Variants in WDR43 observed in about 807,000 individuals in gnomAD.
WDR43 encodes the protein WD repeat-containing protein 43.
WDR43 carries 13 observed loss-of-function variants against 91.4 expected under a neutral mutation model. The ratio of observed to expected loss-of-function variants is 0.14; its 90% CI spans 0.09 to 0.23. The LOEUF is 0.23. Among genes scored for constraint, WDR43 ranks in the 10% least tolerant of loss-of-function variants. The pLI is 1.00. For missense variants in WDR43, 780 were observed against 809.4 expected, an observed-to-expected ratio of 0.96 and a Z score of 0.44; for synonymous variants, 331 against 287.9, an observed-to-expected ratio of 1.15 and a Z score of -1.51.
chr2:28,927,017 A>G (rs552061837), intron 9 of WDR43: 19 of 516,404 alleles, frequency 3.7e-5, no homozygotes, highest in South Asian at 2.4e-4. Flanking sequence ...CTTGGTGTCT[A>G]CATGTAGGGG....
At chr2:28,899,332 C>T (rs1670538686) in intron 1 of WDR43, among the ~76,000 whole-genome samples, 1 of 152,072 alleles carries the variant, frequency 6.6e-6, no homozygotes, top group Non-Finnish European at 1.5e-5. Context: ...TGACATGTGT[C>T]TTAAGGGAAA....
intron 5 of WDR43, among the ~76,000 whole-genome samples, chr2:28,916,511 T>G (rs1217216130): frequency 6.6e-6 from 1 of 152,200 alleles, no homozygotes; most frequent in African/African-American, 2.4e-5. Context: ...ATGTTAAGAT[T>G]CATGTTTTTG....
chr2:28,920,923 C>T (rs933062331), intron 6 of WDR43, among the ~76,000 whole-genome samples: 1 of 151,866 alleles, frequency 6.6e-6, no homozygotes, highest in Non-Finnish European at 1.5e-5. Flanking sequence ...GTGTTCTGCC[C>T]ACCTTGGCCT....
intron 1 of WDR43, among the ~76,000 whole-genome samples, chr2:28,899,731 A>AT (rs1285900411): frequency 6.6e-6 from 1 of 152,204 alleles, no homozygotes; most frequent in African/African-American, 2.4e-5. Context: ...TACTTGGAGT[A>AT]TCAGTTTTCA....
chr2:28,914,041 C>T, intron 4 of WDR43, 28 bp from the exon 5 acceptor site: 1 of 1,610,378 alleles, frequency 6.2e-7, no homozygotes, highest in East Asian at 2.2e-5. Flanking sequence ...TGAATCTGCT[C>T]TCCTAACTGA....
chr2:28,902,228 G>C, intron 2 of WDR43, 104 bp downstream of exon 2: 1 of 1,209,804 alleles, frequency 8.3e-7, no homozygotes, highest in Non-Finnish European at 1.1e-6. Context: ...GATCTGTGCA[G>C]TAGGGACAGT....
intron 16 of WDR43, among the ~76,000 whole-genome samples, chr2:28,945,072 T>C (rs1671521262): frequency 6.6e-6 from 1 of 152,222 alleles, no homozygotes; most frequent in Non-Finnish European, 1.5e-5. Flanking sequence ...ATGGGTAGTA[T>C]GATGTATGTG....
chr2:28,937,661 C>T (rs527944116), intron 13 of WDR43, among the ~76,000 whole-genome samples: 10 of 152,080 alleles, frequency 6.6e-5, no homozygotes, highest in Non-Finnish European at 1.3e-4. Context: ...AAGTAAAGCA[C>T]GGGTTTTGCT....
At chr2:28,908,914 A>C (rs1334952230) in intron 3 of WDR43, among the ~76,000 whole-genome samples, 2 of 152,114 alleles carry the variant, frequency 1.3e-5, no homozygotes, top group Non-Finnish European at 2.9e-5. Flanking sequence ...GCTGAGCCTT[A>C]GACTTTCCTA....
chr2:28,929,618 A>G lies in WDR43; in HGVS notation c.1345A>G (p.Thr449Ala). 3 of 1,613,736 alleles carry G rather than the reference A, an allele frequency of 1.9e-6. No homozygotes were observed. The highest frequency in any genetic ancestry group is 2.5e-6 in the Non-Finnish European group (3 of 1,179,710). The change falls in exon 11 of 18, where the codon ACA becomes GCA. Residue 449 changes from threonine to alanine, a missense_variant. Coordinates refer to ENST00000407426, the MANE Select transcript of WDR43 (RefSeq NM_015131.3). ...EERLGAMDID[T>A]HKKGKEDLQT... is the part of the protein sequence containing the mutation. ...ACGTCTGGGAGCAATGGATATAGAC[A>G]CACACAAAAAAGGAAAGGAAGACCT...
Position 28,894,749 on chromosome 2 carries a change from C to A in WDR43, c.51C>A (p.Val17=). 1 of 1,596,150 alleles carries A rather than the reference C, an allele frequency of 6.3e-7. No homozygotes were observed. The highest frequency in any genetic ancestry group is 1.1e-5 in the South Asian group (1 of 88,696). Residue 17 remains valine, a synonymous_variant, in exon 1 of 18, where the codon GTC becomes GTA. Transcript: ENST00000407426. ...GCGACCCCCTGGCCCCTGCTGGGGT[C>A]CCTTGCGCCTTCTCCCCGCACAGCC... ...GSCDPLAPAG[V]PCAFSPHSQA...
chr2:28,895,564 C>A (rs1263305733), intron 1 of WDR43, among the ~76,000 whole-genome samples: 1 of 152,068 alleles, frequency 6.6e-6, no homozygotes, highest in Non-Finnish European at 1.5e-5. Context: ...GCTTTCAAGC[C>A]GATCACACTG....
chr2:28,927,523 A>G, intron 9 of WDR43, 46 bp from the exon 10 acceptor site: 1 of 1,605,934 alleles, frequency 6.2e-7, no homozygotes, highest in Non-Finnish European at 8.5e-7. Flanking sequence ...CTTAAGGACT[A>G]AGGTATGATT....
intron 5 of WDR43, 148 bp downstream of exon 5, chr2:28,914,356 C>A: frequency 1.9e-6 from 2 of 1,041,214 alleles, no homozygotes; most frequent in Non-Finnish European, 2.6e-6. Flanking sequence ...AGCCTGCCTA[C>A]AAAACAGATC....
At chr2:28,943,791 T>G (rs1353217049) in intron 16 of WDR43, among the ~76,000 whole-genome samples, 1 of 152,192 alleles carries the variant, frequency 6.6e-6, no homozygotes, top group Non-Finnish European at 1.5e-5. Context: ...CACATCACAT[T>G]CCATATTGTG....
intron 3 of WDR43, among the ~76,000 whole-genome samples, chr2:28,908,820 C>T (rs1670733228): frequency 6.6e-6 from 1 of 152,154 alleles, no homozygotes; most frequent in Non-Finnish European, 1.5e-5. Flanking sequence ...TTCTTTTCCC[C>T]CTTCCAGTTC....
chr2:28,895,190 T>G, intron 1 of WDR43: 1 of 326,886 alleles, frequency 3.1e-6, no homozygotes, highest in Non-Finnish European at 5.5e-6. Flanking sequence ...GCCCCACTGT[T>G]GACGGGCAGC....
chr2:28,942,379 A>G lies in WDR43; in HGVS notation c.1802A>G (p.Glu601Gly). Residue 601 changes from glutamate (E) to glycine (G), a missense_variant and splice_region_variant, in exon 16 of 18, where the codon GAA (glutamate) becomes GGA (glycine). Glu to Gly is a moderately conservative substitution (Grantham distance 98, BLOSUM62 -2). Transcript: ENST00000407426. ...PGQKAKLVYE[E>G]ESSEEESDDE... The stretch of plus-strand genomic sequence containing the variant: ...CAGAAGGCAAAGTTGGTGTATGAAG[A>G]AGGTAAAGACTGGGGGAATGGGATG... 7 of 1,613,260 alleles carry G rather than the reference A, an allele frequency of 4.3e-6. No individual in the cohort carries two copies. The highest frequency in any genetic ancestry group is 5.9e-6 in the Non-Finnish European group (7 of 1,179,530).
chr2:28,920,194 T>G (rs1157360030), intron 6 of WDR43, among the ~76,000 whole-genome samples: 2 of 149,684 alleles, frequency 1.3e-5, no homozygotes, highest in Non-Finnish European at 3.0e-5. Context: ...AGTGACTTTC[T>G]GAAAAAATAA....
Sources: allele counts gnomAD v4.1 joint callset (sites outside exome capture counted in the v4.1 genomes callset), GRCh38; gene constraint gnomAD v4.1.1; transcripts MANE v1.5; gene names NCBI Gene and HGNC (gene_info 2026-07-23, HGNC 2026-07-21).